The following DLC1 variants were observed in gnomAD, a reference collection of about 807,000 sequenced individuals.
DLC1 encodes the protein DLC1 Rho GTPase activating protein.
Under a neutral mutation model 140.3 loss-of-function variants are expected in DLC1, and 54 were observed. The ratio of observed to expected loss-of-function variants is 0.38; its 90% CI spans 0.31 to 0.48. The LOEUF is 0.48. Ranked by LOEUF, DLC1 falls within the 20% of genes least tolerant of loss-of-function variation. The pLI, the probability that DLC1 is intolerant of heterozygous loss-of-function variation, is 0.96. For synonymous variants in DLC1, 986 were observed against 728.1 expected (o/e 1.35, Z -5.70); for missense variants, 2,536 against 1,907.0 (o/e 1.33, Z -6.14).
At chr8:13,302,874 G>T (rs544981573) in intron 5 of DLC1, among the ~76,000 whole-genome samples, 46 of 151,882 alleles carry the variant, frequency 3.0e-4, no homozygotes, top group Non-Finnish European at 5.2e-4. Context: ...AAAGAAACAA[G>T]ATTTATATTT....
chr8:13,468,335 C>T lies in DLC1; in HGVS notation c.1023+30714G>A, dbSNP rs1395503132. Among the ~76,000 whole-genome samples, 327 of 107,786 alleles carry T rather than the reference C, an allele frequency of 3.0e-3. 2 individuals are homozygous for T. The highest frequency in any genetic ancestry group is 0.01 in the African/African-American group (313 of 30,820). The allele number at this position is 107,786 out of a possible 152,430, so 70.7% of individuals were successfully genotyped here. A position where few individuals can be genotyped will look rare whatever the true frequency, so the allele number is the denominator to read the frequency against. ...TTCTTTTCTCTCTCTTTCCCTTCCC[C>T]CCATTCCCCTCCCCTCCCCTCCCCT... is the stretch of plus-strand genomic sequence containing the variant. On this transcript the variant is annotated intron_variant, in intron 2 of 17. Transcript: ENST00000276297.
At chr8:13,504,504 C>T (rs1379953943) in intron 1 of DLC1, among the ~76,000 whole-genome samples, 3 of 152,008 alleles carry the variant, frequency 2.0e-5, no homozygotes, top group Admixed American at 6.6e-5. Flanking sequence ...TCAAGTCTTC[C>T]GATTGAAGGG....
At chr8:13,205,932 A>C (rs1007338897) in intron 5 of DLC1, among the ~76,000 whole-genome samples, 1 of 152,158 alleles carries the variant, frequency 6.6e-6, no homozygotes, top group Non-Finnish European at 1.5e-5. Flanking sequence ...GATTTGACAA[A>C]ATTTCTGCCT....
At chr8:13,275,775 G>A (rs1029573451) in intron 5 of DLC1, among the ~76,000 whole-genome samples, 2 of 152,178 alleles carry the variant, frequency 1.3e-5, no homozygotes, top group African/African-American at 4.8e-5. Context: ...GGAAATACCA[G>A]CAGGCTTTCA....
intron 2 of DLC1, among the ~76,000 whole-genome samples, chr8:13,448,445 C>T (rs748202922): frequency 6.6e-6 from 1 of 151,696 alleles, no homozygotes; most frequent in Non-Finnish European, 1.5e-5. Flanking sequence ...CCCACTGCAA[C>T]CTCCACCTCC....
At chr8:13,504,650 G>A (rs944100032) in intron 1 of DLC1, among the ~76,000 whole-genome samples, 17 of 152,124 alleles carry the variant, frequency 1.1e-4, no homozygotes, top group African/African-American at 4.1e-4. Flanking sequence ...TGATATATTA[G>A]GAGCTGGGAA....
At chr8:13,131,793 C>T (rs992144585) in intron 5 of DLC1, among the ~76,000 whole-genome samples, 3 of 152,188 alleles carry the variant, frequency 2.0e-5, no homozygotes, top group African/African-American at 7.2e-5. Flanking sequence ...CCTGTCACTG[C>T]CCAAGTTCGC....
intron 5 of DLC1, among the ~76,000 whole-genome samples, chr8:13,147,242 A>T (rs1466910387): frequency 1.3e-5 from 2 of 152,142 alleles, no homozygotes; most frequent in Non-Finnish European, 2.9e-5. Context: ...CTCACCCAAA[A>T]CTCTGACCTA....
intron 5 of DLC1, among the ~76,000 whole-genome samples, chr8:13,209,309 C>T (rs1486455974): frequency 2.0e-5 from 3 of 152,002 alleles, no homozygotes; most frequent in Non-Finnish European, 4.4e-5. Flanking sequence ...TCTTAATTTC[C>T]AGTATTGCAT....
chr8:13,590,077 A>ATATATATATATATATATCTCTC (rs11272767), intron 1 of DLC1, among the ~76,000 whole-genome samples: 1 of 145,192 alleles, frequency 6.9e-6, no homozygotes, highest in Non-Finnish European at 1.5e-5. Flanking sequence ...ATATATATAT[A>ATATATATATATATATATCTCTC]CAAACACATG....
At chr8:13,327,646 C>A (rs550935658) in intron 4 of DLC1, among the ~76,000 whole-genome samples, 1 of 152,102 alleles carries the variant, frequency 6.6e-6, no homozygotes, top group African/African-American at 2.4e-5. Context: ...CCTATATCCA[C>A]TGCATAGTAT....
intron 1 of DLC1, among the ~76,000 whole-genome samples, chr8:13,590,254 A>G (rs1192633330): frequency 2.0e-5 from 3 of 151,966 alleles, no homozygotes; most frequent in African/African-American, 7.2e-5. Context: ...GATTTCCCAC[A>G]TTATGAGTCC....
chr8:13,416,086 G>A (rs1437202165), intron 2 of DLC1, among the ~76,000 whole-genome samples: 2 of 152,148 alleles, frequency 1.3e-5, no homozygotes, highest in African/African-American at 4.8e-5. Context: ...CTTTTTGACT[G>A]TTCACATGTT....
Position 13,150,755 on chromosome 8 carries a change from G to C in DLC1, c.1349-35098C>G, listed in dbSNP as rs143417070. ...GCATGAAACAAAAACTCAGATAAAG[G>C]CTTCAAGCATAAAATCTCACTGAGG... On this transcript the variant is annotated intron_variant, in intron 5 of 17. Coordinates refer to ENST00000276297, the MANE Select transcript of DLC1 (RefSeq NM_182643.3). Among the ~76,000 whole-genome samples the C allele has an allele frequency of 1.2e-4, 19 of 152,274 alleles. No homozygotes were observed. In the Middle Eastern group the frequency reaches 0.01, roughly 82 times the overall value.
intron 5 of DLC1, among the ~76,000 whole-genome samples, chr8:13,264,017 G>C (rs1830576707): frequency 2.0e-5 from 3 of 149,932 alleles, no homozygotes; most frequent in African/African-American, 7.4e-5. Context: ...GTAAATTAGG[G>C]CATATTTGTA....
chr8:13,304,499 G>T, intron 5 of DLC1: 1 of 243,604 alleles, frequency 4.1e-6, no homozygotes, highest in Non-Finnish European at 6.6e-6. Flanking sequence ...AAACTCTACT[G>T]CTTTAGTGTA....
At chr8:13,090,199 A>T in intron 15 of DLC1, 53 bp downstream of exon 15, 1 of 1,542,220 alleles carries the variant, frequency 6.5e-7, no homozygotes, top group Non-Finnish European at 8.8e-7. Context: ...TCTCTGATGG[A>T]CCCAAGCTTC....
At chr8:13,282,800 T>G (rs946603460) in intron 5 of DLC1, among the ~76,000 whole-genome samples, 1 of 152,208 alleles carries the variant, frequency 6.6e-6, no homozygotes, top group Non-Finnish European at 1.5e-5. Flanking sequence ...GTTATTGCAA[T>G]TCATACTAGC....
At chr8:13,226,482 C>T (rs961285811) in intron 5 of DLC1, among the ~76,000 whole-genome samples, 1 of 152,160 alleles carries the variant, frequency 6.6e-6, no homozygotes, top group African/African-American at 2.4e-5. Context: ...AAGCAGTTAT[C>T]CTTTCCCACA....
Sources: allele counts gnomAD v4.1 joint callset (sites outside exome capture counted in the v4.1 genomes callset), GRCh38; gene constraint gnomAD v4.1.1; transcripts MANE v1.5; gene names NCBI Gene and HGNC (gene_info 2026-07-23, HGNC 2026-07-21).